SNRPN: variants seen among roughly 807,000 people sequenced by gnomAD.
SNRPN encodes the protein small nuclear ribonucleoprotein-associated protein N.
In SNRPN, 7 loss-of-function variants were observed where a neutral mutation model predicts 25.2. The observed-to-expected ratio is 0.28, with a 90% CI of 0.16 to 0.52. The LOEUF (loss-of-function observed/expected upper bound fraction) is 0.52. Among genes scored for constraint, SNRPN ranks in the 20% least tolerant of loss-of-function variants. The probability of loss-of-function intolerance (pLI) is 0.96; values close to 1 mark genes in which losing one functional copy is unlikely to be tolerated. For synonymous variants in SNRPN, 124 were observed against 110.6 expected (o/e 1.12, Z -0.76); for missense variants, 196 against 322.5 (o/e 0.61, Z 3.00).
chr15:24,978,444 G>C lies in SNRPN; in HGVS notation c.723G>C (p.Ter241TyrextTer17). ...CAGGAATGCGTCCACCAAGACCTTA[G>C]CATACTGTTGATCCATCTCAGTCAC... ...PPPGMRPPRP[*>Y] Residue 241 changes from the stop codon to tyrosine, a stop_lost, in exon 10 of 10, where the codon TAG (stop) becomes TAC (tyrosine). Coordinates refer to ENST00000390687, the MANE Select transcript of SNRPN (RefSeq NM_003097.6). 1 of 1,613,244 alleles carries C rather than the reference G, an allele frequency of 6.2e-7. No individual in the cohort carries two copies. The highest frequency in any genetic ancestry group is 8.5e-7 in the Non-Finnish European group (1 of 1,179,730).
At chr15:24,916,141 A>G (rs2059506393) in intron 2 of SNRPN, among the ~76,000 whole-genome samples, 3 of 151,814 alleles carry the variant, frequency 2.0e-5, no homozygotes, top group South Asian at 2.1e-4. Flanking sequence ...TTGTATTTTT[A>G]GTAGATAATG....
chr15:24,875,852 G>A (rs554004050), intron 1 of SNRPN, among the ~76,000 whole-genome samples: 68 of 152,036 alleles, frequency 4.5e-4, no homozygotes, highest in African/African-American at 1.6e-3. Context: ...TCAGGTGTTC[G>A]AGACCAGCCT....
intron 2 of SNRPN, among the ~76,000 whole-genome samples, chr15:24,889,266 A>G (rs563980629): frequency 2.6e-5 from 4 of 151,788 alleles, no homozygotes; most frequent in Non-Finnish European, 5.9e-5. Context: ...TTATTTTAAA[A>G]TATAATGGTT....
intron 2 of SNRPN, chr15:24,909,819 AC>A: frequency 8.2e-7 from 1 of 1,214,564 alleles, no homozygotes; most frequent in Non-Finnish European, 1.2e-6. Flanking sequence ...ACTTTAACAA[AC>A]CCCATCCTGC....
intron 7 of SNRPN, 26 bp from the exon 8 acceptor site, chr15:24,977,752 G>A: frequency 6.4e-7 from 1 of 1,562,560 alleles, no homozygotes; most frequent in Non-Finnish European, 8.7e-7. Context: ...GCATCGCTTT[G>A]ACTGTTTCCC....
At chr15:24,917,677 G>A (rs914823884) in intron 2 of SNRPN, among the ~76,000 whole-genome samples, 5 of 152,252 alleles carry the variant, frequency 3.3e-5, no homozygotes, top group African/African-American at 1.2e-4. Context: ...GCTGCAGTGC[G>A]CAGTGAGGAT....
intron 2 of SNRPN, among the ~76,000 whole-genome samples, chr15:24,890,047 C>CAAA (rs538959500): frequency 5.9e-5 from 5 of 84,652 alleles, no homozygotes; most frequent in African/African-American, 1.4e-4. Context: ...AACTCCATTT[C>CAAA]AAAAAAAAAA....
At position 24,870,784 on chromosome 15, in the gene SNRPN, T is replaced by C. The variant is rs140368153; in HGVS notation, c.-579+14068T>C. Among the ~76,000 whole-genome samples the C allele has an allele frequency of 4.4e-4, 67 of 152,090 alleles. 1 individual carries two copies. The highest frequency in any genetic ancestry group is 6.8e-3 in the Middle Eastern group (2 of 294). The stretch of plus-strand genomic sequence containing the variant: ...TTTTCTTATTTTCTCTGTATTCCTC[T>C]ATGGGATCCCTCAACCTACAAATAA... On this transcript the variant is annotated intron_variant, in intron 1 of 11. Coordinates refer to the SNRPN transcript ENST00000400097.
rs2055713598 is a variant in SNRPN, at chr15:24,875,014, A to G, written c.-578-11502A>G. ...ATAATATAAAATTGTAAGTGATAAG[A>G]TGTATTTGTCCTATAGTCTACGAAT... On this transcript the variant is annotated intron_variant, in intron 1 of 11. Transcript: ENST00000400097. Among the ~76,000 whole-genome samples, 3 of 152,190 alleles carry G rather than the reference A, an allele frequency of 2.0e-5. No homozygotes were observed. In the South Asian group the frequency reaches 6.2e-4, roughly 32 times the overall value.
intron 3 of SNRPN, among the ~76,000 whole-genome samples, chr15:24,945,130 G>C (rs1259890101): frequency 6.6e-6 from 1 of 152,058 alleles, no homozygotes; most frequent in Non-Finnish European, 1.5e-5. Context: ...CAAATGTTTA[G>C]CTTTGTGGGT....
At chr15:24,915,950 T>G (rs1057182390) in intron 2 of SNRPN, among the ~76,000 whole-genome samples, 1 of 151,246 alleles carries the variant, frequency 6.6e-6, no homozygotes, top group African/African-American at 2.4e-5. Context: ...CATTGTGGTT[T>G]TTTTTTGGCC....
chr15:24,899,034 G>A (rs1418829571), intron 2 of SNRPN, among the ~76,000 whole-genome samples: 2 of 152,156 alleles, frequency 1.3e-5, no homozygotes, highest in Admixed American at 6.5e-5. Flanking sequence ...GAGATAATGG[G>A]AGTGCTAGAA....
chr15:24,922,697 A>G (rs2355600), intron 3 of SNRPN, among the ~76,000 whole-genome samples: 63,520 of 151,562 alleles, frequency 0.42, 13,500 homozygotes, highest in Admixed American at 0.51. Context: ...CATTTTCTGT[A>G]TTTATCCATG....
At chr15:24,907,604 A>G (rs559148708) in intron 2 of SNRPN, among the ~76,000 whole-genome samples, 1 of 151,958 alleles carries the variant, frequency 6.6e-6, no homozygotes, top group Admixed American at 6.6e-5. Context: ...TCTCAAAAAA[A>G]AGAAAAAAAT....
At chr15:24,964,234 G>GT (rs1464305135) in intron 2 of SNRPN, among the ~76,000 whole-genome samples, 29 of 152,192 alleles carry the variant, frequency 1.9e-4, no homozygotes, top group Admixed American at 1.8e-3. Context: ...TATTTTGAAA[G>GT]TATTTTGTGT....
chr15:24,845,585 C>A (rs2052120928), intron 2 of SNRPN, among the ~76,000 whole-genome samples: 1 of 151,652 alleles, frequency 6.6e-6, no homozygotes, highest in Admixed American at 6.6e-5. Flanking sequence ...GCGACAAGAG[C>A]AAAACTCCGT....
intron 3 of SNRPN, among the ~76,000 whole-genome samples, chr15:24,930,234 TC>T (rs2060722348): frequency 6.8e-6 from 1 of 147,992 alleles, no homozygotes; most frequent in Admixed American, 6.7e-5. Flanking sequence ...AAAAAACTGT[TC>T]AAGACTGATC....
At chr15:24,828,934 G>T (rs2050293358) in intron 1 of SNRPN, among the ~76,000 whole-genome samples, 1 of 152,064 alleles carries the variant, frequency 6.6e-6, no homozygotes, top group South Asian at 2.1e-4. Flanking sequence ...GGGGAGGCTG[G>T]AGAAGAGGCT....
intron 1 of SNRPN, among the ~76,000 whole-genome samples, chr15:24,879,782 T>C (rs1595653893): frequency 2.0e-5 from 3 of 152,338 alleles, no homozygotes; most frequent in Middle Eastern, 3.4e-3. Flanking sequence ...GATAGCTGCC[T>C]TAATGCTACA....
Sources: allele counts gnomAD v4.1 joint callset (sites outside exome capture counted in the v4.1 genomes callset), GRCh38; gene constraint gnomAD v4.1.1; transcripts MANE v1.5; gene names NCBI Gene and HGNC (gene_info 2026-07-23, HGNC 2026-07-21).